The following SYT16 variants were observed in gnomAD, a reference collection of about 807,000 sequenced individuals.
SYT16 encodes the protein synaptotagmin 16, also known as synaptotagmin-16.
In SYT16, 42 loss-of-function variants were observed where a neutral mutation model predicts 61.4. The observed-to-expected ratio is 0.68, with a 90% CI of 0.53 to 0.89. The LOEUF is 0.89. Among genes scored for constraint, SYT16 ranks in the 40% least tolerant of loss-of-function variants. The pLI is 0.00. For synonymous variants in SYT16, 314 were observed against 302.3 expected (o/e 1.04, Z -0.40); for missense variants, 804 against 807.3 (o/e 1.00, Z 0.05).
chr14:62,067,994 G>GA (rs898780335), intron 3 of SYT16, among the ~76,000 whole-genome samples: 2 of 151,436 alleles, frequency 1.3e-5, no homozygotes, highest in Non-Finnish European at 2.9e-5. Context: ...TCAAAGAAAA[G>GA]AAAAAAAATT....
chr14:61,842,767 G>A (rs1299107934), intron 1 of SYT16, among the ~76,000 whole-genome samples: 1 of 148,960 alleles, frequency 6.7e-6, no homozygotes, highest in African/African-American at 2.5e-5. Context: ...ACACACCGGG[G>A]ACTGTTAGGG....
At chr14:61,880,393 A>G (rs889345552) in intron 1 of SYT16, among the ~76,000 whole-genome samples, 3 of 152,228 alleles carry the variant, frequency 2.0e-5, no homozygotes, top group Non-Finnish European at 4.4e-5. Flanking sequence ...TAACAAGTCC[A>G]GACACAGGGC....
At chr14:61,880,040 T>C (rs2047642250) in intron 1 of SYT16, among the ~76,000 whole-genome samples, 1 of 152,170 alleles carries the variant, frequency 6.6e-6, no homozygotes, top group South Asian at 2.1e-4. Flanking sequence ...CCCACTCATG[T>C]CTTTATTTGC....
At chr14:61,855,788 A>G (rs1302179692) in intron 1 of SYT16, among the ~76,000 whole-genome samples, 5 of 152,260 alleles carry the variant, frequency 3.3e-5, no homozygotes, top group African/African-American at 9.6e-5. Flanking sequence ...TATAATGCCT[A>G]GGCAAAGTTT....
At chr14:61,858,865 T>C (rs2046866000) in intron 1 of SYT16, among the ~76,000 whole-genome samples, 1 of 151,468 alleles carries the variant, frequency 6.6e-6, no homozygotes, top group African/African-American at 2.4e-5. Flanking sequence ...TTTTCTTTTT[T>C]TTTTTTTGAG....
chr14:61,848,815 G>A (rs1178050657), intron 1 of SYT16, among the ~76,000 whole-genome samples: 1 of 152,164 alleles, frequency 6.6e-6, no homozygotes, highest in Non-Finnish European at 1.5e-5. Flanking sequence ...TTGTGACAGA[G>A]CTGGTATCTA....
chr14:62,030,080 A>G (rs2054257258), intron 3 of SYT16, among the ~76,000 whole-genome samples: 1 of 152,202 alleles, frequency 6.6e-6, no homozygotes, highest in Admixed American at 6.5e-5. Context: ...TTCTTCCATG[A>G]AGAGGCATCA....
At chr14:62,013,925 C>G (rs554715640) in intron 3 of SYT16, among the ~76,000 whole-genome samples, 1 of 151,780 alleles carries the variant, frequency 6.6e-6, no homozygotes, top group African/African-American at 2.4e-5. Flanking sequence ...GATTGTGCCA[C>G]TGCACTCCAG....
intron 1 of SYT16, among the ~76,000 whole-genome samples, chr14:61,891,698 G>A (rs934313606): frequency 1.3e-5 from 2 of 152,204 alleles, no homozygotes; most frequent in African/African-American, 4.8e-5. Context: ...GGAAAAGAAT[G>A]AAGCCAGAAA....
intron 3 of SYT16, among the ~76,000 whole-genome samples, chr14:62,029,426 C>G (rs2054225545): frequency 6.6e-6 from 1 of 152,188 alleles, no homozygotes; most frequent in East Asian, 1.9e-4. Flanking sequence ...TTTTCCACTG[C>G]ACCTGCTTGA....
Position 61,820,359 on chromosome 14 carries a change from C to T in SYT16, c.-325+7549C>T, listed in dbSNP as rs140369890. 3.1e-3 allele frequency among the ~76,000 whole-genome samples: 468 copies of T among 151,516 alleles called. 3 individuals carry two copies. The highest frequency in any genetic ancestry group is 8.0e-3 in the African/African-American group (329 of 41,306). ...GGCAAGAGGGTTTTGAGCACTTCTC[C>T]GCTGATGTGCATTTGGCGATCTCTC... On this transcript the variant is annotated intron_variant, in intron 1 of 7. Transcript: ENST00000683842.
Position 62,107,375 on chromosome 14 carries a change from G to C in SYT16, c.*6668G>C, listed in dbSNP as rs2057532379. 1 of 152,190 alleles carries C rather than the reference G, an allele frequency of 6.6e-6. No individual in the cohort carries two copies. Among genetic ancestry groups the C allele is most frequent in the Admixed American group, 6.5e-5 (1 of 15,270 alleles). The allele number at this position is 152,190 out of a possible 1,614,324, so 9.4% of individuals were successfully genotyped here. On this transcript the variant is annotated 3_prime_UTR_variant, in exon 8 of 8. Transcript: ENST00000683842. ...TTGAACCTGTGAGGTCAAGGCTGCA[G>C]TGAGCCGGGATCATGCCACTGCATT...
At chr14:62,097,060 T>G (rs1215764020) in intron 7 of SYT16, among the ~76,000 whole-genome samples, 1 of 152,040 alleles carries the variant, frequency 6.6e-6, no homozygotes, top group African/African-American at 2.4e-5. Context: ...TGTAAATGGG[T>G]AGGTATTTTG....
At chr14:61,896,730 G>A (rs1284896959) in intron 1 of SYT16, among the ~76,000 whole-genome samples, 1 of 152,050 alleles carries the variant, frequency 6.6e-6, no homozygotes, top group Non-Finnish European at 1.5e-5. Context: ...ATATATAATA[G>A]TGTTTTCACT....
intron 1 of SYT16, among the ~76,000 whole-genome samples, chr14:61,881,172 A>G (rs2047684691): frequency 6.6e-6 from 1 of 152,146 alleles, no homozygotes; most frequent in Non-Finnish European, 1.5e-5. Context: ...TCTTAACATA[A>G]TCACTTTCTC....
At chr14:61,901,107 T>A (rs1162468093) in intron 1 of SYT16, among the ~76,000 whole-genome samples, 1 of 152,238 alleles carries the variant, frequency 6.6e-6, no homozygotes, top group Non-Finnish European at 1.5e-5. Flanking sequence ...TCAGGCTTCC[T>A]CAGTGTCTAA....
intron 1 of SYT16, among the ~76,000 whole-genome samples, chr14:61,969,092 T>G (rs1307174669): frequency 6.6e-6 from 1 of 152,210 alleles, no homozygotes; most frequent in African/African-American, 2.4e-5. Flanking sequence ...TAAGGTTAGG[T>G]GAGTATTATC....
At chr14:62,044,701 T>C (rs1027542170) in intron 3 of SYT16, among the ~76,000 whole-genome samples, 1 of 152,214 alleles carries the variant, frequency 6.6e-6, no homozygotes, top group Non-Finnish European at 1.5e-5. Flanking sequence ...CTGTCTATCA[T>C]TGATGGGCAT....
rs944614316 is a variant in SYT16 at position 62,078,251 on chromosome 14, G to T, written c.994-2583G>T. The stretch of plus-strand genomic sequence containing the variant: ...TAAAGGTTTGGGGAAGAAGAAAGGA[G>T]ACTGTATGTTTCAAAATAAGGTTTG... On this transcript the variant is annotated intron_variant, in intron 5 of 7. Transcript: ENST00000683842. Among the ~76,000 whole-genome samples the T allele has an allele frequency of 2.6e-5, 4 of 151,832 alleles. No individual in the cohort carries two copies. The South Asian group carries it at 8.3e-4, about 32-fold the overall frequency.
Sources: allele counts gnomAD v4.1 joint callset (sites outside exome capture counted in the v4.1 genomes callset), GRCh38; gene constraint gnomAD v4.1.1; transcripts MANE v1.5; gene names NCBI Gene and HGNC (gene_info 2026-07-23, HGNC 2026-07-21).